The following ATP9B variants were observed in gnomAD, a reference collection of about 807,000 sequenced individuals.
The protein encoded by ATP9B is probable phospholipid-transporting ATPase IIB.
A neutral mutation model predicts 146.1 loss-of-function variants in ATP9B; 110 were observed. The observed-to-expected ratio is 0.75, with a 90% confidence interval of 0.65 to 0.88. ATP9B has a LOEUF of 0.88. Ranked by LOEUF, ATP9B falls within the 40% of genes least tolerant of loss-of-function variation. The probability of loss-of-function intolerance (pLI) is 0.00; values close to 1 mark genes in which losing one functional copy is unlikely to be tolerated. For missense variants in ATP9B, 1,499 were observed against 1,496.4 expected (o/e 1.00, Z -0.03); for synonymous variants, 604 against 569.7 (o/e 1.06, Z -0.86).
At chr18:79,167,538 T>C (rs1043371259) in intron 7 of ATP9B, among the ~76,000 whole-genome samples, 2 of 151,198 alleles carry the variant, frequency 1.3e-5, no homozygotes, top group Non-Finnish European at 3.0e-5. Flanking sequence ...GCTTGTGGAG[T>C]GTGCAGCCCT....
chr18:79,361,831 C>G (rs1314884053), intron 26 of ATP9B: 1 of 984,796 alleles, frequency 1.0e-6, no homozygotes, highest in Admixed American at 6.1e-5. Context: ...TTTATCCACA[C>G]CGGTCAGTGT....
chr18:79,162,250 C>T (rs1380329619), intron 7 of ATP9B, among the ~76,000 whole-genome samples: 1 of 152,148 alleles, frequency 6.6e-6, no homozygotes, highest in African/African-American at 2.4e-5. Flanking sequence ...TGGTGGGTTG[C>T]TCATGGCATC....
In ATP9B at chr18:79,186,583, T is replaced by C. The variant is rs140809902; in HGVS notation, c.874-6600T>C. On this transcript the variant is annotated intron_variant, in intron 8 of 29. Transcript: ENST00000426216. ...GACAGTGTCATATTTAAATGATGAG[T>C]GATTCTCAGACTTGCCTTATCCCTG... Among the ~76,000 whole-genome samples the C allele has an allele frequency of 3.7e-3, 560 of 152,290 alleles. 4 individuals carry two copies. Among genetic ancestry groups the C allele is most frequent in the South Asian group, 0.024 (115 of 4,816 alleles).
At chr18:79,361,913 C>A in intron 26 of ATP9B, 1 of 557,326 alleles carries the variant, frequency 1.8e-6, no homozygotes, top group Non-Finnish European at 2.3e-6. Flanking sequence ...CTGCTCTCAA[C>A]AAGTCTGTAT....
chr18:79,300,533 G>T (rs532743970), intron 13 of ATP9B, among the ~76,000 whole-genome samples: 1 of 152,254 alleles, frequency 6.6e-6, no homozygotes, highest in African/African-American at 2.4e-5. Flanking sequence ...GCTGTGGGTC[G>T]CATGTGGGTT....
chr18:79,327,828 TGTGTTCTCCGTGGTTAGC>T (rs1568700889), intron 15 of ATP9B, among the ~76,000 whole-genome samples: 2 of 23,652 alleles, frequency 8.5e-5, no homozygotes, highest in Non-Finnish European at 1.5e-4. Context: ...CCGTGGTTAG[TGTGTTCTCCGTGGTTAGC>T]GTGCTCTCCA....
chr18:79,089,712 G>A (rs1022533473), intron 1 of ATP9B, among the ~76,000 whole-genome samples: 1 of 152,158 alleles, frequency 6.6e-6, no homozygotes, highest in Non-Finnish European at 1.5e-5. Flanking sequence ...GTGTAATGAT[G>A]GAATCGGGTA....
intron 14 of ATP9B, 119 bp from the exon 15 acceptor site, chr18:79,306,867 A>G: frequency 1.7e-6 from 2 of 1,194,418 alleles, no homozygotes; most frequent in Non-Finnish European, 2.3e-6. Flanking sequence ...TCAGAATCAA[A>G]TCAGGCTACT....
At chr18:79,312,814 G>A (rs1425334715) in intron 15 of ATP9B, among the ~76,000 whole-genome samples, 1 of 152,202 alleles carries the variant, frequency 6.6e-6, no homozygotes, top group African/African-American at 2.4e-5. Flanking sequence ...TTGGTACAAT[G>A]TGAAATTACG....
intron 5 of ATP9B, among the ~76,000 whole-genome samples, chr18:79,141,455 GACTT>G (rs1266696685): frequency 3.3e-5 from 5 of 152,088 alleles, no homozygotes; most frequent in Admixed American, 1.3e-4. Flanking sequence ...GATAATACAC[GACTT>G]ACTGAGTGTG....
intron 2 of ATP9B, among the ~76,000 whole-genome samples, chr18:79,105,259 C>T (rs551925866): frequency 4.8e-4 from 73 of 152,272 alleles, no homozygotes; most frequent in Middle Eastern, 6.8e-3. Flanking sequence ...TTCCCAAATA[C>T]CAGGCATTAT....
chr18:79,375,378 T>C lies in ATP9B; in HGVS notation c.3275-16T>C. 6.2e-7 allele frequency: 1 copy of C among 1,602,820 alleles called. No homozygotes were observed. On this transcript the variant is annotated splice_polypyrimidine_tract_variant and intron_variant, in intron 28 of 29. Transcript: ENST00000426216. ...TTAATCTGTCCTTTATTTTCTTTAT[T>C]ACTGTTTTGGAACAGGTATAGGCAG...
At chr18:79,229,455 C>G (rs541027282) in intron 11 of ATP9B, among the ~76,000 whole-genome samples, 31 of 152,302 alleles carry the variant, frequency 2.0e-4, no homozygotes, top group South Asian at 1.7e-3. Context: ...TGGTCTGAAA[C>G]ACACAGTATA....
intron 13 of ATP9B, among the ~76,000 whole-genome samples, chr18:79,302,350 G>A (rs995302024): frequency 1.3e-5 from 2 of 151,308 alleles, no homozygotes; most frequent in African/African-American, 4.9e-5. Context: ...CCGGGGACAA[G>A]GTGAAAGCAC....
intron 15 of ATP9B, among the ~76,000 whole-genome samples, chr18:79,319,793 AAAAT>A (rs1316668273): frequency 1.3e-5 from 2 of 152,248 alleles, no homozygotes; most frequent in African/African-American, 4.8e-5. Flanking sequence ...AAATAAATCT[AAAAT>A]AAAGTCCTGA....
At chr18:79,281,682 A>G (rs1339671376) in intron 13 of ATP9B, among the ~76,000 whole-genome samples, 1 of 152,194 alleles carries the variant, frequency 6.6e-6, no homozygotes, top group Non-Finnish European at 1.5e-5. Context: ...AAAATGACTC[A>G]GAAGAAACAG....
intron 4 of ATP9B, among the ~76,000 whole-genome samples, chr18:79,122,340 A>G (rs1013214515): frequency 5.3e-5 from 8 of 152,194 alleles, no homozygotes; most frequent in African/African-American, 1.9e-4. Flanking sequence ...ATAGCTGCAG[A>G]CAAGTATATT....
chr18:79,265,067 C>G (rs1436456335), intron 12 of ATP9B, among the ~76,000 whole-genome samples: 1 of 152,180 alleles, frequency 6.6e-6, no homozygotes, highest in Non-Finnish European at 1.5e-5. Context: ...TCCTCCCACC[C>G]TCCAGCCTCC....
intron 1 of ATP9B, among the ~76,000 whole-genome samples, chr18:79,082,999 G>T (rs2073425133): frequency 6.6e-6 from 1 of 152,298 alleles, no homozygotes; most frequent in Non-Finnish European, 1.5e-5. Context: ...CTGAGGCTGT[G>T]CCCACAACCT....
Sources: gnomAD v4.1 joint callset for allele counts (sites outside exome capture counted in the v4.1 genomes callset) on GRCh38, gnomAD v4.1.1 for gene constraint, MANE v1.5 for transcripts, NCBI Gene and HGNC (gene_info 2026-07-23, HGNC 2026-07-21) for gene names.